CDHR2: variants seen among roughly 807,000 people sequenced by gnomAD.
CDHR2 encodes the protein cadherin-related family member 2.
In CDHR2, 104 loss-of-function variants were observed where a neutral mutation model predicts 138.6. The observed-to-expected ratio is 0.75, with a 90% CI of 0.64 to 0.88. The LOEUF is 0.88. Ranked by LOEUF, CDHR2 falls within the 40% of genes least tolerant of loss-of-function variation. CDHR2 has a pLI of 0.00. For synonymous variants in CDHR2, 755 were observed against 742.8 expected (o/e 1.02, Z -0.27); for missense variants, 1,624 against 1,727.6 (o/e 0.94, Z 1.06).
rs1489041310 is a variant in CDHR2 at position 176,595,684 on chromosome 5, A to T, written c.*12A>T. ...CCACGGACCTGTGACAGGGGCCCCCACTCTTCTGGACCCCTTGAAGAGGCC... is the reference window on the plus strand; with the variant it reads ...CCACGGACCTGTGACAGGGGCCCCCTCTCTTCTGGACCCCTTGAAGAGGCC... On this transcript the variant is annotated 3_prime_UTR_variant, in exon 32 of 32. Coordinates refer to ENST00000261944, the MANE Select transcript of CDHR2 (RefSeq NM_017675.6). The T allele has an allele frequency of 6.4e-7, 1 of 1,553,380 alleles. No homozygotes were observed. Among genetic ancestry groups the T allele is most frequent in the South Asian group, 1.2e-5 (1 of 83,368 alleles).
At chr5:176,556,457 G>C (rs1012262039) in intron 1 of CDHR2, among the ~76,000 whole-genome samples, 13 of 152,208 alleles carry the variant, frequency 8.5e-5, no homozygotes, top group South Asian at 2.1e-4. Context: ...ACAAGGTCAG[G>C]AGATCGAGAC....
At chr5:176,569,656 C>CA (rs1055087874) in intron 5 of CDHR2, among the ~76,000 whole-genome samples, 1 of 152,200 alleles carries the variant, frequency 6.6e-6, no homozygotes, top group African/African-American at 2.4e-5. Flanking sequence ...GCTCCAGAGG[C>CA]AAAATCACTC....
chr5:176,565,201 A>C, intron 1 of CDHR2, 137 bp from the exon 2 acceptor site: 2 of 660,564 alleles, frequency 3.0e-6, no homozygotes, highest in South Asian at 1.8e-5. Flanking sequence ...GAAAATGGAC[A>C]GAGGGTGATA....
At chr5:176,588,503 GTA>G (rs1758735827) in intron 21 of CDHR2, among the ~76,000 whole-genome samples, 1 of 133,536 alleles carries the variant, frequency 7.5e-6, no homozygotes, top group Non-Finnish European at 1.6e-5. Context: ...GTGAGGGTGT[GTA>G]TGAGTGTGTG....
At chr5:176,570,117 G>A (rs950241955) in intron 5 of CDHR2, among the ~76,000 whole-genome samples, 1 of 152,136 alleles carries the variant, frequency 6.6e-6, no homozygotes, top group Non-Finnish European at 1.5e-5. Flanking sequence ...GAAACCCAGT[G>A]GAATCCAGCT....
chr5:176,568,992 G>C lies in CDHR2; in HGVS notation c.297G>C (p.Val99=), dbSNP rs142653712. The C allele has an allele frequency of 2.2e-5, 36 of 1,614,020 alleles. No homozygotes were observed. The highest frequency in any genetic ancestry group is 3.1e-5 in the Non-Finnish European group (36 of 1,180,032). The change falls in exon 5 of 32, where the codon GTG becomes GTC. Residue 99 remains valine (V), a synonymous_variant. Coordinates refer to ENST00000261944, the MANE Select transcript of CDHR2 (RefSeq NM_017675.6). The stretch of plus-strand genomic sequence containing the variant: ...ACACATTCAAAGTCACCATCTCCGT[G>C]AGCGACCCCTACATCCAGGTGAGTT... ...TLYTFKVTIS[V]SDPYIQVQRE...
intron 15 of CDHR2, 135 bp downstream of exon 15, chr5:176,578,230 A>G (rs1434271564): frequency 2.5e-6 from 3 of 1,217,844 alleles, no homozygotes; most frequent in Admixed American, 2.1e-5. Flanking sequence ...TAAACAAGGA[A>G]TGACTTTTTG....
intron 21 of CDHR2, among the ~76,000 whole-genome samples, chr5:176,587,352 G>T (rs530053606): frequency 3.3e-5 from 5 of 152,300 alleles, no homozygotes; most frequent in Non-Finnish European, 5.9e-5. Context: ...GGAGGCTGAG[G>T]CAGGAGAGTC....
At chr5:176,573,411 G>A (rs896617010) in intron 6 of CDHR2, among the ~76,000 whole-genome samples, 11 of 151,928 alleles carry the variant, frequency 7.2e-5, no homozygotes, top group South Asian at 4.2e-4. Flanking sequence ...AGGCTGAGGC[G>A]GGTGGATCAC....
intron 6 of CDHR2, among the ~76,000 whole-genome samples, chr5:176,572,893 C>T (rs1758269793): frequency 6.6e-6 from 1 of 152,212 alleles, no homozygotes; most frequent in African/African-American, 2.4e-5. Context: ...CTAGGGAAGG[C>T]CACAGACAGG....
intron 5 of CDHR2, among the ~76,000 whole-genome samples, chr5:176,569,763 A>C (rs1758179969): frequency 6.6e-6 from 1 of 152,010 alleles, no homozygotes; most frequent in Non-Finnish European, 1.5e-5. Context: ...GTTCAAGACC[A>C]CCCTGGCCAA....
chr5:176,595,242 T>G (rs1259933004), intron 31 of CDHR2, among the ~76,000 whole-genome samples: 1 of 152,158 alleles, frequency 6.6e-6, no homozygotes, highest in Non-Finnish European at 1.5e-5. Flanking sequence ...ACACAGGGCC[T>G]GGCATTATTT....
chr5:176,547,681 G>C (rs74546645), upstream of CDHR2: 266 of 152,386 alleles, frequency 1.7e-3, no homozygotes, highest in African/African-American at 6.2e-3. Flanking sequence ...TACTGCTGCA[G>C]CCTCCCAAGT....
intron 1 of CDHR2, among the ~76,000 whole-genome samples, chr5:176,561,749 C>T (rs1757973505): frequency 6.6e-6 from 1 of 151,184 alleles, no homozygotes; most frequent in Non-Finnish European, 1.5e-5. Context: ...GAGCGATTCT[C>T]CTGCCTCAGT....
At position 176,575,420 on chromosome 5, in the gene CDHR2, A is replaced by C. The variant is rs1758347900; in HGVS notation, c.762A>C (p.Ala254=). 1 of 1,614,202 alleles carries C rather than the reference A, an allele frequency of 6.2e-7. No homozygotes were observed. Among genetic ancestry groups the C allele is most frequent in the Non-Finnish European group, 8.5e-7 (1 of 1,180,028 alleles). Residue 254 remains alanine (A), a synonymous_variant, in exon 9 of 32, where the codon GCA becomes GCC. Transcript: ENST00000261944. The part of the protein sequence containing the change: ...EFYSASVAED[A]AKGTSVLTVE... ...ACTCGGCCTCTGTGGCTGAGGATGC[A>C]GCCAAGGTGCACGGGGGACCTGTGG...
intron 3 of CDHR2, chr5:176,567,089 T>G (rs1248121213): frequency 2.2e-6 from 1 of 450,880 alleles, no homozygotes; most frequent in Non-Finnish European, 4.5e-6. Flanking sequence ...CTGTGTCCAG[T>G]TCTAGTCAAT....
chr5:176,570,380 C>T (rs1396946029), intron 5 of CDHR2, among the ~76,000 whole-genome samples: 1 of 152,190 alleles, frequency 6.6e-6, no homozygotes, highest in Non-Finnish European at 1.5e-5. Flanking sequence ...TAGGATCTTA[C>T]TCTTGCCCAG....
rs752601181 is a variant in CDHR2, at chr5:176,595,679, C to T, written c.*7C>T. 4.4e-6 allele frequency: 7 copies of T among 1,577,240 alleles called. No individual in the cohort carries two copies. Among genetic ancestry groups the T allele is most frequent in the Admixed American group, 3.6e-5 (2 of 55,792 alleles). On this transcript the variant is annotated 3_prime_UTR_variant, in exon 32 of 32. Coordinates refer to ENST00000261944, the MANE Select transcript of CDHR2 (RefSeq NM_017675.6). ...GGACACCACGGACCTGTGACAGGGG[C>T]CCCCACTCTTCTGGACCCCTTGAAG...
chr5:176,543,071 G>T lies in CDHR2; in HGVS notation c.-16+302G>T, dbSNP rs889620305. On this transcript the variant is annotated intron_variant, in intron 1 of 31. Coordinates refer to the CDHR2 transcript ENST00000510636. The surrounding 1 kb of genome is among the most constrained non-coding windows in gnomAD (Gnocchi z 4.0). The stretch of plus-strand genomic sequence containing the variant: ...GTTGGGGCGTTTGGACCTAGCGGAC[G>T]GGGAGAAGAGCGGCGCAGCTCCCGC... Among the ~76,000 whole-genome samples, 2 of 151,826 alleles carry T rather than the reference G, an allele frequency of 1.3e-5. No homozygotes were observed. The highest frequency in any genetic ancestry group is 4.8e-5 in the African/African-American group (2 of 41,402).
Sources: gnomAD v4.1 joint callset for allele counts (sites outside exome capture counted in the v4.1 genomes callset) on GRCh38, gnomAD v4.1.1 for gene constraint, Gnocchi (gnomAD v3.1) non-coding constraint, MANE v1.5 for transcripts, NCBI Gene and HGNC (gene_info 2026-07-23, HGNC 2026-07-21) for gene names.